Variants in GLRA3 observed in about 807,000 individuals in gnomAD.
GLRA3 encodes glycine receptor alpha 3, also known as glycine receptor subunit alpha-3.
Under a neutral mutation model 60.4 loss-of-function variants are expected in GLRA3, and 44 were observed. That is an observed-to-expected ratio of 0.73 (90% CI 0.57 to 0.94). GLRA3 has a LOEUF of 0.94. Among genes scored for constraint, GLRA3 ranks in the 40% least tolerant of loss-of-function variants. The pLI is 0.00. For missense variants in GLRA3, 508 were observed against 564.6 expected, an observed-to-expected ratio of 0.90 and a Z score of 1.02; for synonymous variants, 223 against 192.9, an observed-to-expected ratio of 1.16 and a Z score of -1.29.
At chr4:174,777,917 C>T (rs937590668) in intron 2 of GLRA3, among the ~76,000 whole-genome samples, 2 of 152,084 alleles carry the variant, frequency 1.3e-5, no homozygotes, top group Non-Finnish European at 2.9e-5. Flanking sequence ...AATATATAAG[C>T]ATTACTCCTG....
chr4:174,744,632 C>T (rs1472285982), intron 3 of GLRA3, among the ~76,000 whole-genome samples: 1 of 152,134 alleles, frequency 6.6e-6, no homozygotes, highest in Admixed American at 6.5e-5. Context: ...CCAATTGAAA[C>T]CATTGATACA....
At chr4:174,717,687 A>G (rs1033325752) in intron 4 of GLRA3, among the ~76,000 whole-genome samples, 2 of 152,218 alleles carry the variant, frequency 1.3e-5, no homozygotes, top group African/African-American at 4.8e-5. Context: ...AACATTCAAA[A>G]GGAATTTTTC....
Position 174,800,143 on chromosome 4 carries a change from A to G in GLRA3, c.72-11200T>C, listed in dbSNP as rs1739749153. ...GAATTACTTGTTCGGAAAGCAAACCAGAAGAAAATGTATAGAAGGCAGTAT... is the reference window on the plus strand; with the variant it reads ...GAATTACTTGTTCGGAAAGCAAACCGGAAGAAAATGTATAGAAGGCAGTAT... On this transcript the variant is annotated intron_variant, in intron 1 of 9. Coordinates refer to ENST00000274093, the MANE Select transcript of GLRA3 (RefSeq NM_006529.4). 2.6e-5 allele frequency among the ~76,000 whole-genome samples: 4 copies of G among 152,224 alleles called. No homozygotes were observed. In the South Asian group the frequency reaches 8.3e-4, roughly 32 times the overall value.
chr4:174,717,378 A>C (rs1259077276), intron 4 of GLRA3, among the ~76,000 whole-genome samples: 1 of 151,516 alleles, frequency 6.6e-6, no homozygotes, highest in Non-Finnish European at 1.5e-5. Context: ...GAAGGAAGGA[A>C]AAAGAAAGAA....
At chr4:174,803,028 G>A (rs1435903944) in intron 1 of GLRA3, among the ~76,000 whole-genome samples, 1 of 151,894 alleles carries the variant, frequency 6.6e-6, no homozygotes, top group Non-Finnish European at 1.5e-5. Flanking sequence ...GTGGGGTTGG[G>A]GTGGGGAAGG....
intron 5 of GLRA3, among the ~76,000 whole-genome samples, chr4:174,707,127 T>C (rs1735547415): frequency 6.6e-6 from 1 of 152,238 alleles, no homozygotes; most frequent in Non-Finnish European, 1.5e-5. Context: ...AAGTAATTTA[T>C]AGCTGATTGA....
intron 5 of GLRA3, among the ~76,000 whole-genome samples, chr4:174,691,804 C>T (rs531320104): frequency 1.4e-4 from 21 of 152,222 alleles, no homozygotes; most frequent in Non-Finnish European, 2.2e-4. Flanking sequence ...AGCCTCTGCC[C>T]GGCCGCCACC....
intron 1 of GLRA3, among the ~76,000 whole-genome samples, chr4:174,791,264 C>G (rs868314421): frequency 6.6e-6 from 1 of 151,998 alleles, no homozygotes; most frequent in African/African-American, 2.4e-5. Flanking sequence ...ATTGGGGTGA[C>G]GCGGCCACAG....
intron 7 of GLRA3, among the ~76,000 whole-genome samples, chr4:174,664,230 C>G (rs564307876): frequency 6.6e-6 from 1 of 152,138 alleles, no homozygotes; most frequent in African/African-American, 2.4e-5. Context: ...ACTAATCCAT[C>G]GTATCTATCC....
intron 1 of GLRA3, among the ~76,000 whole-genome samples, chr4:174,814,682 T>A (rs1336257983): frequency 6.6e-6 from 1 of 152,202 alleles, no homozygotes; most frequent in Non-Finnish European, 1.5e-5. Context: ...AGAGAGCTTG[T>A]GCAGGGAAAT....
intron 5 of GLRA3, among the ~76,000 whole-genome samples, chr4:174,701,198 T>C (rs1437372215): frequency 6.6e-6 from 1 of 152,178 alleles, no homozygotes; most frequent in African/African-American, 2.4e-5. Context: ...CTGATGACTC[T>C]AAGTTGAAGC....
chr4:174,725,545 A>T (rs1304840471), intron 4 of GLRA3, among the ~76,000 whole-genome samples: 1 of 152,118 alleles, frequency 6.6e-6, no homozygotes, highest in Non-Finnish European at 1.5e-5. Flanking sequence ...CAGTGGTGCG[A>T]TCTGGGCTCA....
intron 5 of GLRA3, among the ~76,000 whole-genome samples, chr4:174,700,218 T>A (rs1189088067): frequency 6.6e-6 from 1 of 152,204 alleles, no homozygotes; most frequent in Non-Finnish European, 1.5e-5. Context: ...TAGCTTGTTT[T>A]ATTGAGCTTT....
intron 1 of GLRA3, among the ~76,000 whole-genome samples, chr4:174,796,847 G>A (rs1165148548): frequency 6.6e-6 from 1 of 151,994 alleles, no homozygotes; most frequent in East Asian, 1.9e-4. Context: ...TTCCTCTTCT[G>A]AAAGGGGTGG....
At chr4:174,778,605 G>T (rs1738709788) in intron 2 of GLRA3, among the ~76,000 whole-genome samples, 1 of 152,186 alleles carries the variant, frequency 6.6e-6, no homozygotes, top group Non-Finnish European at 1.5e-5. Flanking sequence ...GTGGGCGCAG[G>T]TCAGTGGGTG....
chr4:174,798,438 T>G (rs902798077), intron 1 of GLRA3, among the ~76,000 whole-genome samples: 2 of 152,196 alleles, frequency 1.3e-5, no homozygotes, highest in African/African-American at 4.8e-5. Context: ...CATCTCCCTA[T>G]GCTTCAATGT....
intron 4 of GLRA3, among the ~76,000 whole-genome samples, chr4:174,721,007 T>TTG (rs10639932): frequency 0.22 from 30,835 of 141,316 alleles, 3,252 homozygotes; most frequent in East Asian, 0.44. Flanking sequence ...TGTGTGAACT[T>TTG]TGTGTGTGTG....
chr4:174,639,317 TTGAC>T lies in GLRA3; in HGVS notation c.*4465_*4468del, dbSNP rs1732570788. On this transcript the variant is annotated 3_prime_UTR_variant, in exon 10 of 10. Coordinates refer to ENST00000274093, the MANE Select transcript of GLRA3 (RefSeq NM_006529.4). ...GATTATGAACCTTTGTCTAGAAAAA[TTGAC>T]TGTCTTTGTATTTTTAATCTAAAGG... is the stretch of plus-strand genomic sequence containing the variant. 1 of 151,742 alleles carries T rather than the reference TTGAC, an allele frequency of 6.6e-6. No homozygotes were observed. Among genetic ancestry groups the T allele is most frequent in the African/African-American group, 2.4e-5 (1 of 41,286 alleles). The allele number at this position is 151,742 out of a possible 1,614,324, so 9.4% of individuals were successfully genotyped here. A position where few individuals can be genotyped will look rare whatever the true frequency, so the allele number is the denominator to read the frequency against.
At chr4:174,789,237 C>G (rs1193958576) in intron 1 of GLRA3, among the ~76,000 whole-genome samples, 5 of 152,158 alleles carry the variant, frequency 3.3e-5, no homozygotes, top group African/African-American at 4.8e-5. Flanking sequence ...TTTACAAAAG[C>G]CTTATTTCTG....
Sources: gnomAD v4.1 joint callset for allele counts (sites outside exome capture counted in the v4.1 genomes callset) on GRCh38, gnomAD v4.1.1 for gene constraint, MANE v1.5 for transcripts, NCBI Gene and HGNC (gene_info 2026-07-23, HGNC 2026-07-21) for gene names.